SLC35F3: variants seen among roughly 807,000 people sequenced by gnomAD.
The protein encoded by SLC35F3 is solute carrier family 35 member F3.
In SLC35F3, 25 loss-of-function variants were observed where a neutral mutation model predicts 49.9. The observed-to-expected ratio is 0.50, with a 90% CI of 0.37 to 0.70. The LOEUF is 0.70. Among genes scored for constraint, SLC35F3 ranks in the 30% least tolerant of loss-of-function variants. The probability of loss-of-function intolerance (pLI) is 0.00; values close to 1 mark genes in which losing one functional copy is unlikely to be tolerated. For synonymous variants in SLC35F3, 275 were observed against 265.4 expected (o/e 1.04, Z -0.35); for missense variants, 525 against 639.8 (o/e 0.82, Z 1.94).
intron 2 of SLC35F3, among the ~76,000 whole-genome samples, chr1:234,041,233 T>A (rs1307757409): frequency 6.6e-6 from 1 of 152,148 alleles, no homozygotes; most frequent in East Asian, 1.9e-4. Context: ...TAAGTGTTTG[T>A]TTCTCACTCC....
chr1:234,003,415 A>G (rs978743239), intron 2 of SLC35F3, among the ~76,000 whole-genome samples: 6 of 152,172 alleles, frequency 3.9e-5, no homozygotes, highest in Non-Finnish European at 8.8e-5. Flanking sequence ...GGTTTTTCCA[A>G]CAGGAAAAAA....
In SLC35F3 at chr1:234,214,459, G is replaced by A. The variant is rs1020409695; in HGVS notation, c.284-16958G>A. On this transcript the variant is annotated intron_variant, in intron 2 of 7. Transcript: ENST00000366618. The surrounding 1 kb of genome is among the most constrained non-coding windows in gnomAD (Gnocchi z 8.0). Reference sequence around the variant, plus strand: ...GCGCTCCAGCCGGCCCCAGGATGTAGGCGATCGGCGGCAGCGCTCCTGCAG... The same window carrying A: ...GCGCTCCAGCCGGCCCCAGGATGTAAGCGATCGGCGGCAGCGCTCCTGCAG... 8 of 1,514,950 alleles carry A rather than the reference G, an allele frequency of 5.3e-6. No individual in the cohort carries two copies. The African/African-American group carries it at 1.2e-4, about 22-fold the overall frequency. 93.8% of individuals were successfully genotyped at this position (1,514,950 alleles called of 1,614,324 possible).
intron 2 of SLC35F3, among the ~76,000 whole-genome samples, chr1:234,158,288 T>C (rs1047385908): frequency 6.6e-6 from 1 of 152,244 alleles, no homozygotes; most frequent in Admixed American, 6.5e-5. Flanking sequence ...GCTTTCCTTG[T>C]TGCAAAACTA....
At chr1:234,100,534 T>G (rs931244735) in intron 2 of SLC35F3, among the ~76,000 whole-genome samples, 1 of 152,252 alleles carries the variant, frequency 6.6e-6, no homozygotes, top group African/African-American at 2.4e-5. Context: ...CTGGGAGATT[T>G]TGTTCAATGT....
intron 2 of SLC35F3, among the ~76,000 whole-genome samples, chr1:234,019,577 T>C (rs1055323877): frequency 5.3e-5 from 8 of 152,166 alleles, no homozygotes; most frequent in African/African-American, 1.9e-4. Context: ...CTTCAACTGA[T>C]TAGATGAGGC....
At chr1:234,051,562 A>T (rs1664377701) in intron 2 of SLC35F3, among the ~76,000 whole-genome samples, 2 of 152,196 alleles carry the variant, frequency 1.3e-5, no homozygotes, top group Non-Finnish European at 2.9e-5. Flanking sequence ...GGTTTTCTAA[A>T]TATACAATCA....
intron 3 of SLC35F3, among the ~76,000 whole-genome samples, chr1:234,267,637 A>AC (rs1194280408): frequency 1.1e-4 from 15 of 133,992 alleles, no homozygotes; most frequent in East Asian, 4.5e-4. Context: ...CGGGGGGCTG[A>AC]CCCCCCCACC....
At chr1:234,224,949 T>A (rs1432904929) in intron 2 of SLC35F3, among the ~76,000 whole-genome samples, 1 of 152,186 alleles carries the variant, frequency 6.6e-6, no homozygotes, top group East Asian at 1.9e-4. Context: ...AACACCTAAC[T>A]TCAATTATCT....
intron 2 of SLC35F3, among the ~76,000 whole-genome samples, chr1:234,009,149 A>G (rs143674633): frequency 6.6e-6 from 1 of 152,244 alleles, no homozygotes; most frequent in Admixed American, 6.5e-5. Context: ...GAAAAAAAGC[A>G]GACCAGAGCT....
intron 2 of SLC35F3, among the ~76,000 whole-genome samples, chr1:234,036,686 CT>C (rs1267269002): frequency 1.3e-5 from 2 of 152,172 alleles, no homozygotes; most frequent in African/African-American, 4.8e-5. Context: ...ACTCTTATTG[CT>C]GGGAATAGAG....
At chr1:234,161,571 G>A (rs1049940792) in intron 2 of SLC35F3, among the ~76,000 whole-genome samples, 3 of 152,076 alleles carry the variant, frequency 2.0e-5, no homozygotes, top group Non-Finnish European at 4.4e-5. Flanking sequence ...GACCAGGCTG[G>A]AGAAACCCCA....
At chr1:234,070,708 A>G (rs1411705644) in intron 2 of SLC35F3, among the ~76,000 whole-genome samples, 1 of 151,972 alleles carries the variant, frequency 6.6e-6, no homozygotes, top group African/African-American at 2.4e-5. Flanking sequence ...ATTAGTTAAC[A>G]TCTTTTTCTG....
In SLC35F3 at chr1:234,152,454, A is replaced by T. The variant is rs112966994; in HGVS notation, c.284-78963A>T. Among the ~76,000 whole-genome samples the T allele has an allele frequency of 7.3e-3, 1,104 of 151,988 alleles. 18 individuals are homozygous for T. The highest frequency in any genetic ancestry group is 0.024 in the African/African-American group (996 of 41,430). ...CATGTGTTCTCATTGTTCACCTCCC[A>T]CCTATGAGTGAGAACATGCAGTGTT... On this transcript the variant is annotated intron_variant, in intron 2 of 7. Transcript: ENST00000366618.
At chr1:234,105,107 G>A (rs557835590) in intron 2 of SLC35F3, among the ~76,000 whole-genome samples, 3 of 142,644 alleles carry the variant, frequency 2.1e-5, no homozygotes, top group African/African-American at 7.9e-5. Context: ...TGGCCTGGGC[G>A]ACAATGTGAG....
chr1:234,159,206 A>G lies in SLC35F3; in HGVS notation c.284-72211A>G, dbSNP rs111958113. On this transcript the variant is annotated intron_variant, in intron 2 of 7. Coordinates refer to ENST00000366618, the MANE Select transcript of SLC35F3 (RefSeq NM_173508.4). ...ACTGAGACCTAAACCCACGCATGCC[A>G]TTCTCAGTATTTCTAAGAAACTAAC... Among the ~76,000 whole-genome samples the G allele has an allele frequency of 7.6e-3, 1,165 of 152,316 alleles. 21 individuals carry two copies. Among genetic ancestry groups the G allele is most frequent in the African/African-American group, 0.025 (1,052 of 41,564 alleles).
intron 2 of SLC35F3, among the ~76,000 whole-genome samples, chr1:234,200,307 AT>A (rs1338306568): frequency 1.3e-5 from 2 of 152,248 alleles, no homozygotes; most frequent in South Asian, 4.1e-4. Flanking sequence ...TTCTTTGCCC[AT>A]TTTTTAATTG....
At chr1:234,301,672 A>G (rs1668694401) in intron 3 of SLC35F3, among the ~76,000 whole-genome samples, 1 of 152,242 alleles carries the variant, frequency 6.6e-6, no homozygotes, top group Admixed American at 6.5e-5. Flanking sequence ...TATTTGACCC[A>G]GCAATCCCAT....
chr1:234,094,408 A>G lies in SLC35F3; in HGVS notation c.284-137009A>G, dbSNP rs150984419. The stretch of plus-strand genomic sequence containing the variant: ...TTCAGCTTCAGATAGCAAGAGCACT[A>G]TATGCTCATGGCAATTTCCCCAGCC... On this transcript the variant is annotated intron_variant, in intron 2 of 7. Transcript: ENST00000366618. Among the ~76,000 whole-genome samples, 936 of 152,338 alleles carry G rather than the reference A, an allele frequency of 6.1e-3. 12 individuals are homozygous for G. Among genetic ancestry groups the G allele is most frequent in the African/African-American group, 0.021 (874 of 41,574 alleles).
chr1:234,183,543 C>T (rs1039107695), intron 2 of SLC35F3, among the ~76,000 whole-genome samples: 1 of 142,686 alleles, frequency 7.0e-6, no homozygotes, highest in African/African-American at 2.4e-5. Flanking sequence ...ATGAAATAGA[C>T]CTTCAGTGAG....
Sources: gnomAD v4.1 joint callset for allele counts (sites outside exome capture counted in the v4.1 genomes callset) on GRCh38, gnomAD v4.1.1 for gene constraint, Gnocchi (gnomAD v3.1) non-coding constraint, MANE v1.5 for transcripts, NCBI Gene and HGNC (gene_info 2026-07-23, HGNC 2026-07-21) for gene names.